The following C18orf63 variants were observed in gnomAD, a reference collection of about 807,000 sequenced individuals.
C18orf63 encodes uncharacterized protein C18orf63.
In C18orf63, 50 loss-of-function variants were observed where a neutral mutation model predicts 75.3. The observed-to-expected ratio is 0.66, with a 90% CI of 0.53 to 0.84. The LOEUF (loss-of-function observed/expected upper bound fraction) is 0.84. C18orf63 is among the 40% of genes least tolerant of loss of function. The probability of loss-of-function intolerance (pLI) is 0.00; values close to 1 mark genes in which losing one functional copy is unlikely to be tolerated. For missense variants in C18orf63, 732 were observed against 800.2 expected, an observed-to-expected ratio of 0.91 and a Z score of 1.03; for synonymous variants, 232 against 267.6, an observed-to-expected ratio of 0.87 and a Z score of 1.30.
intron 11 of C18orf63, among the ~76,000 whole-genome samples, chr18:74,348,870 G>C (rs1198145663): frequency 6.6e-6 from 1 of 152,078 alleles, no homozygotes; most frequent in Admixed American, 6.6e-5. Flanking sequence ...CTTAAACGTT[G>C]AAAGAATGAG....
At chr18:74,322,019 C>G (rs542956131) in intron 3 of C18orf63, among the ~76,000 whole-genome samples, 52 of 152,270 alleles carry the variant, frequency 3.4e-4, no homozygotes, top group African/African-American at 1.2e-3. Flanking sequence ...TTAATACTTT[C>G]CAGTGCACAT....
At chr18:74,320,645 T>A in intron 3 of C18orf63, 54 bp downstream of exon 3, 1 of 1,062,498 alleles carries the variant, frequency 9.4e-7, no homozygotes, top group Non-Finnish European at 1.4e-6. Flanking sequence ...ACAATATTGA[T>A]AAATAATAAT....
chr18:74,356,292 C>T (rs926776070), intron 13 of C18orf63, among the ~76,000 whole-genome samples, 189 bp from the exon 14 acceptor site: 7 of 151,896 alleles, frequency 4.6e-5, no homozygotes, highest in Non-Finnish European at 5.9e-5. Context: ...TATCTGTCAA[C>T]GCCCTACTCT....
chr18:74,328,396 G>T (rs148552351), intron 5 of C18orf63, among the ~76,000 whole-genome samples: 1 of 152,094 alleles, frequency 6.6e-6, no homozygotes, highest in Non-Finnish European at 1.5e-5. Flanking sequence ...ATCTCCCACC[G>T]GGTCCTTCCC....
At chr18:74,333,970 A>G (rs1943992) in intron 7 of C18orf63, among the ~76,000 whole-genome samples, 109,244 of 152,002 alleles carry the variant, frequency 0.72, 39,386 homozygotes, top group Non-Finnish European at 0.75. Flanking sequence ...TTTTGATATG[A>G]TGTCTTACAC....
chr18:74,344,590 T>G (rs1984541956), intron 11 of C18orf63, among the ~76,000 whole-genome samples: 1 of 152,098 alleles, frequency 6.6e-6, no homozygotes, highest in Non-Finnish European at 1.5e-5. Context: ...ATTCCTTGTT[T>G]CGTTTTTATC....
At chr18:74,339,347 T>C (rs1393622034) in intron 8 of C18orf63, among the ~76,000 whole-genome samples, 3 of 152,136 alleles carry the variant, frequency 2.0e-5, no homozygotes, top group African/African-American at 4.8e-5. Context: ...TGACTCTCTT[T>C]ACAGACTTTT....
At chr18:74,332,355 T>C (rs1984321759) in intron 7 of C18orf63, among the ~76,000 whole-genome samples, 1 of 152,118 alleles carries the variant, frequency 6.6e-6, no homozygotes, top group African/African-American at 2.4e-5. Flanking sequence ...CACTAATCCA[T>C]GAATGGATTA....
chr18:74,354,353 A>G (rs117561260), intron 12 of C18orf63, 85 bp downstream of exon 12: 10 of 1,309,660 alleles, frequency 7.6e-6, no homozygotes, highest in East Asian at 5.0e-5. Flanking sequence ...TTTCCCTAAG[A>G]TCATTTAGAA....
chr18:74,343,614 C>T lies in C18orf63; in HGVS notation c.890C>T (p.Ser297Phe), dbSNP rs771193115. The change falls in exon 11 of 14, where the codon TCT becomes TTT. Residue 297 changes from serine (S) to phenylalanine (F), a missense_variant. Physicochemically the swap from Ser to Phe is radical, Grantham distance 155 (BLOSUM62 -2). Around this residue, in one of 3 missense-constraint regions of C18orf63, gnomAD observed 495 missense variants for 508.7 expected, o/e 0.97. Transcript: ENST00000579455. The part of the protein sequence containing the change: ...VLKSFLSDLK[S>F]KLPHICGFPI... ...AAAAGTTTTCTTTCAGATTTAAAAT[C>T]TAAACTGCCCCATATATGTGGATTT... 1.2e-5 allele frequency: 18 copies of T among 1,534,518 alleles called. No homozygotes were observed. The South Asian group carries it at 1.8e-4, about 15-fold the overall frequency.
intron 7 of C18orf63, among the ~76,000 whole-genome samples, chr18:74,334,949 A>G (rs1984367350): frequency 6.6e-6 from 1 of 152,172 alleles, no homozygotes; most frequent in Non-Finnish European, 1.5e-5. Context: ...ACAGTTGTCT[A>G]AGCCTGTAAT....
intron 13 of C18orf63, among the ~76,000 whole-genome samples, 157 bp from the exon 14 acceptor site, chr18:74,356,324 T>C (rs1055016718): frequency 1.3e-5 from 2 of 152,216 alleles, no homozygotes; most frequent in South Asian, 4.2e-4. Flanking sequence ...TTCTGCACTC[T>C]ATGTCCACGT....
Position 74,353,351 on chromosome 18 carries a change from T to C in C18orf63, c.1084T>C (p.Cys362Arg), listed in dbSNP as rs1984702400. ...TGCCTGTGCTCAAAGTCTTCTACCA[T>C]GTTCAGTAGCAGTGGACCACAAGGT... ...KPACAQSLLPCSVAVDHKVEL... is the reference protein window; with the variant it reads ...KPACAQSLLPRSVAVDHKVEL... Residue 362 changes from cysteine to arginine, a missense_variant, in exon 12 of 14, where the codon TGT (cysteine) becomes CGT (arginine). This residue lies in a region of C18orf63 where 495 missense variants were observed against 508.7 expected (regional missense o/e 0.97). Coordinates refer to ENST00000579455, the MANE Select transcript of C18orf63 (RefSeq NM_001174123.2). 2.6e-6 allele frequency: 4 copies of C among 1,536,380 alleles called. No homozygotes were observed. The highest frequency in any genetic ancestry group is 3.9e-5 in the Admixed American group (2 of 50,976).
chr18:74,336,516 T>C (rs1217557263), intron 7 of C18orf63, among the ~76,000 whole-genome samples: 1 of 152,104 alleles, frequency 6.6e-6, no homozygotes, highest in Non-Finnish European at 1.5e-5. Flanking sequence ...TCTCCTGGAA[T>C]TCATTTATCT....
rs746482429 is a variant in C18orf63 at position 74,317,932 on chromosome 18, G to A, written c.67G>A (p.Val23Ile). The part of the protein sequence containing the change: ...TLPDLNKLCA[V>I]RIILSNKVAD... ...TCCAGATTTAAACAAACTCTGTGCT[G>A]TCAGAATAATACTGAGTAATAAGGT... Residue 23 changes from valine (V) to isoleucine (I), a missense_variant, in exon 2 of 14, where the codon GTC (valine) becomes ATC (isoleucine). Transcript: ENST00000579455. 8.9e-5 allele frequency: 136 copies of A among 1,532,852 alleles called. No individual in the cohort carries two copies. Among genetic ancestry groups the A allele is most frequent in the Non-Finnish European group, 1.1e-4 (128 of 1,144,372 alleles). The allele number at this position is 1,532,852 out of a possible 1,614,324, so 95.0% of individuals were successfully genotyped here.
intron 7 of C18orf63, among the ~76,000 whole-genome samples, 198 bp from the exon 8 acceptor site, chr18:74,338,517 T>C (rs1320370955): frequency 1.3e-5 from 2 of 152,122 alleles, no homozygotes; most frequent in South Asian, 2.1e-4. Context: ...AAATACTTCA[T>C]ATATTGTATA....
At chr18:74,331,292 T>G (rs1007382087) in intron 7 of C18orf63, among the ~76,000 whole-genome samples, 2 of 152,212 alleles carry the variant, frequency 1.3e-5, no homozygotes, top group Non-Finnish European at 2.9e-5. Flanking sequence ...CAGCTCTTAC[T>G]AAATTTAATA....
At position 74,340,310 on chromosome 18, in the gene C18orf63, A is replaced by G. The variant is rs548786223; in HGVS notation, c.611+1486A>G. On this transcript the variant is annotated intron_variant, in intron 8 of 13. Coordinates refer to ENST00000579455, the MANE Select transcript of C18orf63 (RefSeq NM_001174123.2). ...CAAATTAAAGTCACAATGAGCGATC[A>G]CCTCATACCTGATGAATGGCTATTA... 2.0e-4 allele frequency among the ~76,000 whole-genome samples: 30 copies of G among 152,324 alleles called. 2 individuals are homozygous for G. In the South Asian group the frequency reaches 5.6e-3, roughly 28 times the overall value.
rs569625990 is a variant in C18orf63, at chr18:74,324,873, T to C, written c.270+2119T>C. Reference sequence around the variant, plus strand: ...AATTTTTGTTACCTTCACTAGACTTTCCAACCCTGAATTCTTTATTATTCA... The same window carrying C: ...AATTTTTGTTACCTTCACTAGACTTCCCAACCCTGAATTCTTTATTATTCA... On this transcript the variant is annotated intron_variant, in intron 4 of 13. Coordinates refer to ENST00000579455, the MANE Select transcript of C18orf63 (RefSeq NM_001174123.2). Among the ~76,000 whole-genome samples, 4 of 152,348 alleles carry C rather than the reference T, an allele frequency of 2.6e-5. No homozygotes were observed. In the South Asian group the frequency reaches 8.3e-4, roughly 32 times the overall value.
Sources: allele counts gnomAD v4.1 joint callset (sites outside exome capture counted in the v4.1 genomes callset), GRCh38; gene constraint gnomAD v4.1.1; regional missense constraint gnomAD v4.1.1; transcripts MANE v1.5; gene names NCBI Gene and HGNC (gene_info 2026-07-23, HGNC 2026-07-21).